Variants in GOLT1A observed in about 807,000 individuals in gnomAD.
The protein encoded by GOLT1A is golgi transport 1A, also known as vesicle transport protein GOT1A.
GOLT1A carries 10 observed loss-of-function variants against 16.1 expected under a neutral mutation model. The observed-to-expected ratio is 0.62, with a 90% CI of 0.38 to 1.05. The LOEUF (loss-of-function observed/expected upper bound fraction) is 1.05. Among genes scored for constraint, GOLT1A ranks in the 50% least tolerant of loss-of-function variants. The pLI is 0.01. For synonymous variants in GOLT1A, 60 were observed against 67.9 expected (o/e 0.88, Z 0.57); for missense variants, 137 against 165.7 (o/e 0.83, Z 0.95).
At chr1:204,208,428 A>G (rs55892395) in intron 1 of GOLT1A, among the ~76,000 whole-genome samples, 2,212 of 64,684 alleles carry the variant, frequency 0.034, 54 homozygotes, top group Non-Finnish European at 0.054. Flanking sequence ...ACATATGTGT[A>G]TATGTATACA....
chr1:204,203,221 T>C (rs1250338994), intron 1 of GOLT1A, among the ~76,000 whole-genome samples: 2 of 152,182 alleles, frequency 1.3e-5, no homozygotes. Context: ...CACAGTGGCA[T>C]GCTGTCCTCA....
chr1:204,203,813 C>A (rs1432608428), intron 1 of GOLT1A, among the ~76,000 whole-genome samples: 1 of 151,482 alleles, frequency 6.6e-6, no homozygotes, highest in Admixed American at 6.6e-5. Flanking sequence ...GACAGTGAGC[C>A]CCCATTCCCA....
chr1:204,204,222 C>T (rs1448632670), intron 1 of GOLT1A, among the ~76,000 whole-genome samples: 1 of 152,098 alleles, frequency 6.6e-6, no homozygotes, highest in African/African-American at 2.4e-5. Context: ...TAAAAATGTA[C>T]AGTTCAGTGG....
rs1180402897 is a variant in GOLT1A at position 204,198,410 on chromosome 1, T to C, written c.*48A>G. 6.4e-7 allele frequency: 1 copy of C among 1,571,966 alleles called. No individual in the cohort carries two copies. The highest frequency in any genetic ancestry group is 8.8e-7 in the Non-Finnish European group (1 of 1,142,274). ...GAGGGGGTGGTTCCCATTCTCCCTC[T>C]AGCCCCCTCAACCAATGATCCAAGT... On this transcript the variant is annotated 3_prime_UTR_variant, in exon 5 of 5. Transcript: ENST00000308302.
At position 204,208,323 on chromosome 1, in the gene GOLT1A, C is replaced by T. The variant is rs140848379; in HGVS notation, c.26-5336G>A. 3.6e-3 allele frequency among the ~76,000 whole-genome samples: 520 copies of T among 146,180 alleles called. 2 individuals carry two copies. The highest frequency in any genetic ancestry group is 6.8e-3 in the Middle Eastern group (2 of 294). Reference sequence around the variant, plus strand: ...GTGTATATATATACACACACATATACATATATATGTATACATATATACACA... The same window carrying T: ...GTGTATATATATACACACACATATATATATATATGTATACATATATACACA... On this transcript the variant is annotated intron_variant, in intron 1 of 4. Transcript: ENST00000308302.
intron 1 of GOLT1A, among the ~76,000 whole-genome samples, chr1:204,208,317 CAT>C (rs978045635): frequency 6.8e-6 from 1 of 146,880 alleles, no homozygotes; most frequent in African/African-American, 2.6e-5. Context: ...TATACACACA[CAT>C]ATACATATAT....
At chr1:204,206,741 C>A (rs1429237268) in intron 1 of GOLT1A, among the ~76,000 whole-genome samples, 1 of 152,224 alleles carries the variant, frequency 6.6e-6, no homozygotes, top group African/African-American at 2.4e-5. Context: ...GTTGAACTTT[C>A]TATATGTTCA....
At chr1:204,201,915 T>A in intron 2 of GOLT1A, 104 bp from the exon 3 acceptor site, 1 of 1,013,418 alleles carries the variant, frequency 9.9e-7, no homozygotes, top group Non-Finnish European at 1.5e-6. Context: ...ATGTGCTAAC[T>A]GTTCAAGACC....
At chr1:204,207,620 T>C (rs1471772228) in intron 1 of GOLT1A, among the ~76,000 whole-genome samples, 1 of 152,232 alleles carries the variant, frequency 6.6e-6, no homozygotes, top group African/African-American at 2.4e-5. Flanking sequence ...CAATATCTCA[T>C]GGAGCAGGCA....
chr1:204,202,313 C>T (rs555797563), intron 2 of GOLT1A, among the ~76,000 whole-genome samples: 6 of 151,384 alleles, frequency 4.0e-5, no homozygotes, highest in African/African-American at 1.2e-4. Flanking sequence ...TGCCCAGGCT[C>T]TCATCAAATT....
chr1:204,203,918 C>G lies in GOLT1A; in HGVS notation c.26-931G>C, dbSNP rs571786621. Reference sequence around the variant, plus strand: ...TTCACTCAGAGCCAGCAAGCGTAGCCTAGAAGTGCAGGACATGAAGGCCCC... The same window carrying G: ...TTCACTCAGAGCCAGCAAGCGTAGCGTAGAAGTGCAGGACATGAAGGCCCC... On this transcript the variant is annotated intron_variant, in intron 1 of 4. Coordinates refer to ENST00000308302, the MANE Select transcript of GOLT1A (RefSeq NM_198447.2). Among the ~76,000 whole-genome samples the G allele has an allele frequency of 3.9e-5, 6 of 152,290 alleles. No individual in the cohort carries two copies. The East Asian group carries it at 7.7e-4, about 20-fold the overall frequency.
chr1:204,201,934 G>A (rs199669812), intron 2 of GOLT1A, 123 bp from the exon 3 acceptor site: 81 of 826,296 alleles, frequency 9.8e-5, no homozygotes, highest in African/African-American at 8.6e-4. Flanking sequence ...CCATCTGAGC[G>A]AGGGCCATCC....
intron 2 of GOLT1A, 84 bp downstream of exon 2, chr1:204,202,811 GT>G (rs1320132566): frequency 1.1e-6 from 1 of 943,668 alleles, no homozygotes; most frequent in Non-Finnish European, 1.7e-6. Flanking sequence ...TAAACTGTAA[GT>G]CTTTATTGCC....
intron 3 of GOLT1A, among the ~76,000 whole-genome samples, chr1:204,199,829 G>A (rs1207170986): frequency 1.3e-5 from 2 of 152,180 alleles, no homozygotes; most frequent in Non-Finnish European, 2.9e-5. Context: ...GCCAAGGCCT[G>A]ACTGCAGACA....
intron 1 of GOLT1A, among the ~76,000 whole-genome samples, chr1:204,206,558 A>C (rs988446813): frequency 2.0e-5 from 3 of 152,250 alleles, no homozygotes; most frequent in African/African-American, 7.2e-5. Flanking sequence ...CCAAATGATA[A>C]AAGTGTTTTA....
chr1:204,200,297 G>A (rs11240696), intron 3 of GOLT1A, among the ~76,000 whole-genome samples: 1 of 40,360 alleles, frequency 2.5e-5, no homozygotes, highest in South Asian at 5.6e-4. Context: ...TGACATATAT[G>A]TGTATATATA....
chr1:204,208,405 T>C (rs7544993), intron 1 of GOLT1A, among the ~76,000 whole-genome samples: 10,186 of 68,702 alleles, frequency 0.15, 1,020 homozygotes, highest in African/African-American at 0.28. Flanking sequence ...TATACATATA[T>C]GTATATATGT....
intron 4 of GOLT1A, 181 bp downstream of exon 4, chr1:204,199,014 G>T: frequency 3.3e-6 from 2 of 603,836 alleles, no homozygotes; most frequent in Non-Finnish European, 6.0e-6. Context: ...ATGGGCTCTT[G>T]TCAAATGGAG....
chr1:204,199,232 A>G lies in GOLT1A; in HGVS notation c.323T>C (p.Phe108Ser). Residue 108 changes from phenylalanine to serine, a missense_variant, in exon 4 of 5, where the codon TTC becomes TCC. Phe to Ser is a radical substitution (Grantham distance 155). Coordinates refer to ENST00000308302, the MANE Select transcript of GOLT1A (RefSeq NM_198447.2). Reference protein sequence around the residue: ...FKGFFPVAFGFLGNVCNIPFL... With the variant: ...FKGFFPVAFGSLGNVCNIPFL... Reference sequence around the variant, plus strand: ...GGGGATGTTGCAGACATTGCCCAGGAAGCCGAAGGCGACAGGGAAAAAGCC... The same window carrying G: ...GGGGATGTTGCAGACATTGCCCAGGGAGCCGAAGGCGACAGGGAAAAAGCC... 1.9e-6 allele frequency: 3 copies of G among 1,604,250 alleles called. No individual in the cohort carries two copies. The highest frequency in any genetic ancestry group is 2.6e-6 in the Non-Finnish European group (3 of 1,176,324).
Sources: allele counts gnomAD v4.1 joint callset (sites outside exome capture counted in the v4.1 genomes callset), GRCh38; gene constraint gnomAD v4.1.1; transcripts MANE v1.5; gene names NCBI Gene and HGNC (gene_info 2026-07-23, HGNC 2026-07-21).